Variants in FRRS1 observed in about 807,000 individuals in gnomAD.
FRRS1 encodes the protein ferric reductase 1.
A neutral mutation model predicts 70.7 loss-of-function variants in FRRS1; 51 were observed. The ratio of observed to expected loss-of-function variants is 0.72; its 90% CI spans 0.58 to 0.91. The LOEUF (loss-of-function observed/expected upper bound fraction) is 0.91. Among genes scored for constraint, FRRS1 ranks in the 40% least tolerant of loss-of-function variants. The pLI, the probability that FRRS1 is intolerant of heterozygous loss-of-function variation, is 0.00. For missense variants in FRRS1, 672 were observed against 726.0 expected (o/e 0.93, Z 0.86); for synonymous variants, 225 against 238.7 (o/e 0.94, Z 0.53).
At chr1:99,742,105 T>C in intron 5 of FRRS1, 74 bp downstream of exon 5, 1 of 896,574 alleles carries the variant, frequency 1.1e-6, no homozygotes, top group Non-Finnish European at 1.8e-6. Context: ...TCCACCACCT[T>C]GGCATCCCAA....
At chr1:99,753,104 T>C (rs1337419758) in intron 1 of FRRS1, among the ~76,000 whole-genome samples, 1 of 151,252 alleles carries the variant, frequency 6.6e-6, no homozygotes. Flanking sequence ...CCCCAGCTAC[T>C]TAAGAGGCTG....
At chr1:99,760,431 T>G (rs1228204829) in intron 1 of FRRS1, among the ~76,000 whole-genome samples, 1 of 152,190 alleles carries the variant, frequency 6.6e-6, no homozygotes. Flanking sequence ...ACTCAAATTA[T>G]AGGGAAATTG....
chr1:99,732,867 AGGATCTTG>A (rs1655466127), intron 7 of FRRS1, among the ~76,000 whole-genome samples: 5 of 148,304 alleles, frequency 3.4e-5, no homozygotes, highest in Non-Finnish European at 7.4e-5. Context: ...TTTTTGAGGC[AGGATCTTG>A]TTCTGTCACC....
chr1:99,763,082 G>C (rs1571165162), intron 1 of FRRS1, among the ~76,000 whole-genome samples: 1 of 152,050 alleles, frequency 6.6e-6, no homozygotes, highest in East Asian at 1.9e-4. Flanking sequence ...AGCTTCCCAA[G>C]AATTATTAGA....
intron 1 of FRRS1, among the ~76,000 whole-genome samples, chr1:99,752,154 T>C (rs1467622507): frequency 6.6e-6 from 1 of 152,194 alleles, no homozygotes; most frequent in Non-Finnish European, 1.5e-5. Flanking sequence ...ATATCAACAA[T>C]AAGGCTGTTT....
intron 9 of FRRS1, among the ~76,000 whole-genome samples, chr1:99,724,134 G>A (rs1057291658): frequency 1.1e-4 from 17 of 152,186 alleles, no homozygotes; most frequent in African/African-American, 4.1e-4. Flanking sequence ...CATGAACTAA[G>A]TATGAACTTA....
At chr1:99,759,949 T>C (rs1251225765) in intron 1 of FRRS1, among the ~76,000 whole-genome samples, 1 of 152,112 alleles carries the variant, frequency 6.6e-6, no homozygotes, top group African/African-American at 2.4e-5. Context: ...AGAGAGAAGG[T>C]GAAAAGTAAA....
intron 7 of FRRS1, among the ~76,000 whole-genome samples, chr1:99,737,618 T>A (rs1655734349): frequency 6.6e-6 from 1 of 152,228 alleles, no homozygotes; most frequent in South Asian, 2.1e-4. Context: ...TGCCCAACTG[T>A]TAAAATCATA....
intron 1 of FRRS1, among the ~76,000 whole-genome samples, chr1:99,759,631 C>T (rs1344137763): frequency 2.6e-5 from 4 of 152,020 alleles, no homozygotes; most frequent in African/African-American, 7.2e-5. Context: ...TAAGACTAAG[C>T]ACAAGATATA....
chr1:99,730,210 A>C (rs1431905642), intron 7 of FRRS1, among the ~76,000 whole-genome samples: 1 of 152,162 alleles, frequency 6.6e-6, no homozygotes, highest in African/African-American at 2.4e-5. Flanking sequence ...TTAATGACCA[A>C]ATACACTGCA....
chr1:99,738,707 A>G (rs971873296), intron 6 of FRRS1, among the ~76,000 whole-genome samples: 12 of 152,236 alleles, frequency 7.9e-5, no homozygotes, highest in Admixed American at 5.2e-4. Context: ...AGATTTAAAA[A>G]GCAAACAAAT....
In FRRS1 at chr1:99,705,133, T is replaced by C. The variant is rs1654001559; in HGVS notation, c.*3895A>G. ...GGCTTCAGCTGCAAACATTCACCCC[T>C]AGACATTGCTGTGGGGTCGGAGCCC... On this transcript the variant is annotated 3_prime_UTR_variant, in exon 17 of 17. Coordinates refer to ENST00000646001, the MANE Select transcript of FRRS1 (RefSeq NM_001361041.2). Among the ~76,000 whole-genome samples the C allele has an allele frequency of 6.6e-6, 1 of 152,172 alleles. No homozygotes were observed. Among genetic ancestry groups the C allele is most frequent in the East Asian group, 1.9e-4 (1 of 5,184 alleles).
Position 99,755,444 on chromosome 1 carries a change from G to A in FRRS1, c.-105-6443C>T, listed in dbSNP as rs75663527. Among the ~76,000 whole-genome samples the A allele has an allele frequency of 2.7e-3, 408 of 151,990 alleles. 3 individuals carry two copies. The highest frequency in any genetic ancestry group is 9.5e-3 in the African/African-American group (392 of 41,474). On this transcript the variant is annotated intron_variant, in intron 1 of 16. Coordinates refer to ENST00000646001, the MANE Select transcript of FRRS1 (RefSeq NM_001361041.2). ...GAGAGAAAGGGAGGGAGGGACAGAC[G>A]GAGAGAGGGAAGGAAGGGAAGGAAG...
Position 99,708,313 on chromosome 1 carries a change from C to T in FRRS1, c.*715G>A, listed in dbSNP as rs1464087485. On this transcript the variant is annotated 3_prime_UTR_variant, in exon 17 of 17. Transcript: ENST00000646001. The stretch of plus-strand genomic sequence containing the variant: ...ACCTTTGTAGTTCAAAATATATTTA[C>T]CATAGGCTGGGCGTGGTGGCTCACG... Among the ~76,000 whole-genome samples the T allele has an allele frequency of 6.6e-6, 1 of 151,940 alleles. No homozygotes were observed. The highest frequency in any genetic ancestry group is 1.5e-5 in the Non-Finnish European group (1 of 67,982).
chr1:99,714,528 A>T (rs1243351297), intron 12 of FRRS1, among the ~76,000 whole-genome samples: 1 of 152,188 alleles, frequency 6.6e-6, no homozygotes, highest in Admixed American at 6.5e-5. Flanking sequence ...TAGAAAATAG[A>T]TTGTGCACGG....
At chr1:99,741,081 G>A in intron 5 of FRRS1, 141 bp from the exon 6 acceptor site, 1 of 752,090 alleles carries the variant, frequency 1.3e-6, no homozygotes, top group Non-Finnish European at 2.1e-6. Context: ...TTTGCCTGAG[G>A]CAAATCTCTA....
chr1:99,720,436 A>G (rs547612286), intron 9 of FRRS1, among the ~76,000 whole-genome samples: 2 of 152,192 alleles, frequency 1.3e-5, no homozygotes, highest in Non-Finnish European at 2.9e-5. Context: ...AAATTCTGGA[A>G]CATACATATT....
chr1:99,748,758 G>A lies in FRRS1; in HGVS notation c.11C>T (p.Ser4Phe). Residue 4 changes from serine to phenylalanine, a missense_variant, in exon 3 of 17, where the codon TCT becomes TTT. Ser to Phe is a radical substitution (Grantham distance 155). Transcript: ENST00000646001. The stretch of plus-strand genomic sequence containing the variant: ...TATGCAGGTACCAAGAGTAAATCCA[G>A]AAACTGCCATCTCAAAAAGAAGGGT... MAV[S>F]GFTLGTCILL... 1 of 1,612,656 alleles carries A rather than the reference G, an allele frequency of 6.2e-7. No homozygotes were observed. Among genetic ancestry groups the A allele is most frequent in the Non-Finnish European group, 8.5e-7 (1 of 1,179,208 alleles).
In FRRS1 at chr1:99,715,567, C is replaced by T. The variant is rs763004233; in HGVS notation, c.1323+19G>A. On this transcript the variant is annotated intron_variant, in intron 12 of 16. Coordinates refer to ENST00000646001, the MANE Select transcript of FRRS1 (RefSeq NM_001361041.2). The stretch of plus-strand genomic sequence containing the variant: ...ATAAAATGGATTTATAAAAAAAACC[C>T]TATTTAAGATATACTTACCCTACTC... 108 of 1,437,880 alleles carry T rather than the reference C, an allele frequency of 7.5e-5. No homozygotes were observed. The highest frequency in any genetic ancestry group is 9.7e-5 in the Non-Finnish European group (100 of 1,026,378). 89.1% of individuals were successfully genotyped at this position (1,437,880 alleles called of 1,614,324 possible).
Sources: allele counts gnomAD v4.1 joint callset (sites outside exome capture counted in the v4.1 genomes callset), GRCh38; gene constraint gnomAD v4.1.1; transcripts MANE v1.5; gene names NCBI Gene and HGNC (gene_info 2026-07-23, HGNC 2026-07-21).